The following YIPF7 variants were observed in gnomAD, a reference collection of about 807,000 sequenced individuals.
YIPF7 encodes the protein Yip1 domain family member 7, also known as protein YIPF7.
YIPF7 carries 35 observed loss-of-function variants against 27.2 expected under a neutral mutation model. The observed-to-expected ratio is 1.29, with a 90% CI of 0.98 to 1.70. YIPF7 has a LOEUF of 1.70. Among genes scored for constraint, YIPF7 ranks in the 40% most tolerant of loss-of-function variants. The pLI is 0.00. For missense variants in YIPF7, 358 were observed against 303.7 expected, an observed-to-expected ratio of 1.18 and a Z score of -1.33; for synonymous variants, 137 against 110.4, an observed-to-expected ratio of 1.24 and a Z score of -1.51.
chr4:44,640,906 A>G (rs754295195), intron 2 of YIPF7, among the ~76,000 whole-genome samples: 2 of 151,984 alleles, frequency 1.3e-5, no homozygotes, highest in Non-Finnish European at 2.9e-5. Context: ...CAGTCTGTTA[A>G]GGGCTAAGAT....
chr4:44,634,073 G>A (rs1044329779), intron 3 of YIPF7, among the ~76,000 whole-genome samples: 6 of 152,126 alleles, frequency 3.9e-5, no homozygotes, highest in Non-Finnish European at 5.9e-5. Context: ...ACTCTATAAA[G>A]GTCAAAGATG....
chr4:44,662,080 T>C (rs1714053546), intron 1 of YIPF7, among the ~76,000 whole-genome samples: 1 of 152,222 alleles, frequency 6.6e-6, no homozygotes, highest in African/African-American at 2.4e-5. Context: ...TACCAACTGT[T>C]GTGCTGTTCT....
upstream of YIPF7, chr4:44,651,700 G>C: frequency 2.7e-6 from 3 of 1,124,524 alleles, no homozygotes; most frequent in Non-Finnish European, 2.4e-6. Context: ...AGATGCTACA[G>C]TCAAAAATAA....
chr4:44,644,228 G>T (rs1025272556), intron 2 of YIPF7, among the ~76,000 whole-genome samples: 4 of 152,188 alleles, frequency 2.6e-5, no homozygotes, highest in African/African-American at 9.6e-5. Context: ...AAATTATTTT[G>T]AAGCTTTAAC....
upstream of YIPF7, among the ~76,000 whole-genome samples, chr4:44,655,838 G>T (rs1486936845): frequency 6.7e-6 from 1 of 148,334 alleles, no homozygotes; most frequent in Non-Finnish European, 1.5e-5. Flanking sequence ...TGAAACTACA[G>T]CCCTGAATAT....
chr4:44,631,034 A>G (rs1454167331), intron 3 of YIPF7, among the ~76,000 whole-genome samples: 1 of 152,214 alleles, frequency 6.6e-6, no homozygotes, highest in Non-Finnish European at 1.5e-5. Context: ...AGATTTACAT[A>G]CATCGGTCTT....
chr4:44,635,386 T>C (rs1373123899), intron 3 of YIPF7, among the ~76,000 whole-genome samples: 2 of 152,130 alleles, frequency 1.3e-5, no homozygotes, highest in East Asian at 1.9e-4. Flanking sequence ...CATTATTTAC[T>C]GGATTTATGT....
rs1712575873 is a variant in YIPF7 at position 44,624,850 on chromosome 4, G to A, written c.427-68C>T. The A allele has an allele frequency of 2.1e-6, 3 of 1,413,942 alleles. No homozygotes were observed. The Admixed American group carries it at 6.5e-5, about 31-fold the overall frequency. The allele number at this position is 1,413,942 out of a possible 1,614,324, so 87.6% of individuals were successfully genotyped here. On this transcript the variant is annotated intron_variant, in intron 4 of 5. Transcript: ENST00000415895. Reference sequence around the variant, plus strand: ...CACCGAGAGGAAATCTGAATATCATGAAGCAGAGAGCATCTTAGAGTCAGT... The same window carrying A: ...CACCGAGAGGAAATCTGAATATCATAAAGCAGAGAGCATCTTAGAGTCAGT...
chr4:44,655,311 G>A (rs558517020), upstream of YIPF7, among the ~76,000 whole-genome samples: 1 of 152,064 alleles, frequency 6.6e-6, no homozygotes, highest in South Asian at 2.1e-4. Context: ...ATATAAAAAT[G>A]GAGACTCAGA....
chr4:44,624,674 C>T lies in YIPF7; in HGVS notation c.535G>A (p.Val179Met), dbSNP rs776955364. The change falls in exon 5 of 6, where the codon GTG (valine) becomes ATG (methionine). Residue 179 changes from valine (V) to methionine (M), a missense_variant. By Grantham distance (21) the Val-to-Met change is conservative (BLOSUM62 1). Transcript: ENST00000415895. ...MSSSGVSYGC[V>M]ASVLGYCLLP... ...AGGCAGTAACCCAGCACGCTGGCCA[C>T]ACAGCCGTACGACACCCCTGAAGAG... 6.2e-7 allele frequency: 1 copy of T among 1,607,486 alleles called. No individual in the cohort carries two copies. Among genetic ancestry groups the T allele is most frequent in the Non-Finnish European group, 8.5e-7 (1 of 1,177,162 alleles).
At chr4:44,630,609 A>G (rs1052825537) in intron 3 of YIPF7, among the ~76,000 whole-genome samples, 7 of 152,194 alleles carry the variant, frequency 4.6e-5, no homozygotes, top group Non-Finnish European at 8.8e-5. Context: ...AAAATATCCA[A>G]AATCAATGAG....
At chr4:44,652,203 C>A (rs1560330615), upstream of YIPF7, among the ~76,000 whole-genome samples, 1 of 152,150 alleles carries the variant, frequency 6.6e-6, no homozygotes, top group East Asian at 1.9e-4. Context: ...CCAATCCTAA[C>A]CACTGGAAGG....
intron 3 of YIPF7, among the ~76,000 whole-genome samples, chr4:44,634,574 A>G (rs1713039327): frequency 1.3e-5 from 2 of 152,184 alleles, no homozygotes; most frequent in African/African-American, 2.4e-5. Context: ...AATAAAAAGA[A>G]TATAATACTT....
intron 2 of YIPF7, among the ~76,000 whole-genome samples, chr4:44,640,483 G>A (rs972801264): frequency 8.5e-5 from 13 of 152,178 alleles, no homozygotes; most frequent in Non-Finnish European, 8.8e-5. Flanking sequence ...CAGTCCTCAG[G>A]CCTCTGGTGG....
chr4:44,637,292 T>C (rs1250528365), intron 2 of YIPF7, among the ~76,000 whole-genome samples: 4 of 152,148 alleles, frequency 2.6e-5, no homozygotes, highest in African/African-American at 7.2e-5. Context: ...AAAATAGTCA[T>C]TCTATTTTTA....
chr4:44,629,607 A>G, intron 3 of YIPF7, 59 bp from the exon 4 acceptor site: 1 of 1,287,654 alleles, frequency 7.8e-7, no homozygotes. Context: ...AATAAAAATA[A>G]GTTACACTCT....
chr4:44,650,825 C>A (rs1050462515), intron 1 of YIPF7, among the ~76,000 whole-genome samples: 3 of 151,848 alleles, frequency 2.0e-5, no homozygotes, highest in Admixed American at 2.0e-4. Context: ...GACCTAATGG[C>A]CAGGAATACC....
At chr4:44,630,796 T>G (rs1712861561) in intron 3 of YIPF7, among the ~76,000 whole-genome samples, 10 of 152,168 alleles carry the variant, frequency 6.6e-5, no homozygotes. Context: ...GAAATAAATA[T>G]CGATACCAGA....
intron 3 of YIPF7, among the ~76,000 whole-genome samples, chr4:44,631,470 A>G (rs1712895914): frequency 6.6e-6 from 1 of 152,128 alleles, no homozygotes; most frequent in African/African-American, 2.4e-5. Context: ...AATAATCCCT[A>G]TGACACAGAG....
Sources: gnomAD v4.1 joint callset for allele counts (sites outside exome capture counted in the v4.1 genomes callset) on GRCh38, gnomAD v4.1.1 for gene constraint, MANE v1.5 for transcripts, NCBI Gene and HGNC (gene_info 2026-07-23, HGNC 2026-07-21) for gene names.